Variants in KCNQ5 observed in about 807,000 individuals in gnomAD.
KCNQ5 encodes the protein potassium voltage-gated channel subfamily Q member 5, also known as potassium voltage-gated channel subfamily KQT member 5.
In KCNQ5, 30 loss-of-function variants were observed where a neutral mutation model predicts 98.2. That is an observed-to-expected ratio of 0.31 (90% CI 0.23 to 0.41). The LOEUF (loss-of-function observed/expected upper bound fraction) is 0.41, where lower values mean the gene tolerates loss of function less well. KCNQ5 is among the 10% of genes least tolerant of loss of function. KCNQ5 has a pLI of 1.00. For missense variants in KCNQ5, 835 were observed against 1,182.5 expected (o/e 0.71, Z 4.31); for synonymous variants, 458 against 449.4 (o/e 1.02, Z -0.24).
chr6:72,747,490 C>A (rs1771463071), intron 1 of KCNQ5, among the ~76,000 whole-genome samples: 1 of 152,050 alleles, frequency 6.6e-6, no homozygotes, highest in African/African-American at 2.4e-5. Flanking sequence ...AGTTTTAGTA[C>A]CTTCTGTTTC....
At position 73,133,580 on chromosome 6, in the gene KCNQ5, C is replaced by T; in HGVS notation, c.1407C>T (p.Asp469=). The T allele has an allele frequency of 1.2e-6, 2 of 1,614,218 alleles. No homozygotes were observed. The highest frequency in any genetic ancestry group is 1.7e-6 in the Non-Finnish European group (2 of 1,180,044). ...TGCAGAAGAGCTGGAGCTTCAACGACCGAACCCGCTTCCGGCCCTCGCTGC... is the reference window on the plus strand; with the variant it reads ...TGCAGAAGAGCTGGAGCTTCAACGATCGAACCCGCTTCCGGCCCTCGCTGC... ...TKVQKSWSFN[D]RTRFRPSLRL... is the part of the protein sequence containing the mutation. The change falls in exon 10 of 14, where the codon GAC becomes GAT. Residue 469 remains aspartate (D), a synonymous_variant. Transcript: ENST00000370398.
At chr6:72,900,348 C>A (rs778851848) in intron 1 of KCNQ5, among the ~76,000 whole-genome samples, 1 of 147,054 alleles carries the variant, frequency 6.8e-6, no homozygotes, top group Admixed American at 6.8e-5. Context: ...ATATCTCATC[C>A]TATATATATA....
chr6:72,947,830 A>T (rs1766617254), intron 1 of KCNQ5, among the ~76,000 whole-genome samples: 1 of 152,184 alleles, frequency 6.6e-6, no homozygotes, highest in South Asian at 2.1e-4. Flanking sequence ...AGTTATACAG[A>T]TAAGTGACAT....
intron 10 of KCNQ5, chr6:73,157,543 C>G: frequency 1.3e-6 from 1 of 742,892 alleles, no homozygotes; most frequent in South Asian, 1.4e-5. Flanking sequence ...TACTTCCATC[C>G]TTGCTGGGTG....
chr6:72,826,100 C>G (rs1241537328), intron 1 of KCNQ5, among the ~76,000 whole-genome samples: 1 of 152,060 alleles, frequency 6.6e-6, no homozygotes, highest in Non-Finnish European at 1.5e-5. Flanking sequence ...GCTCTGGAGA[C>G]TGTAATTTGC....
At chr6:72,903,490 A>G (rs1433219832) in intron 1 of KCNQ5, among the ~76,000 whole-genome samples, 2 of 152,142 alleles carry the variant, frequency 1.3e-5, no homozygotes, top group East Asian at 3.9e-4. Context: ...TCCTATTACC[A>G]CTGCCTTTGC....
chr6:73,158,214 G>C (rs6453647), intron 10 of KCNQ5: 167,161 of 230,272 alleles, frequency 0.73, 62,692 homozygotes, highest in East Asian at 0.9. Context: ...CCCCAGCGTT[G>C]TGTGGGCATG....
At chr6:72,759,256 C>G (rs1417508221) in intron 1 of KCNQ5, among the ~76,000 whole-genome samples, 1 of 152,080 alleles carries the variant, frequency 6.6e-6, no homozygotes, top group African/African-American at 2.4e-5. Context: ...GACTCTGATC[C>G]ATAAATTTTT....
intron 1 of KCNQ5, among the ~76,000 whole-genome samples, chr6:72,773,026 G>A (rs1314613372): frequency 1.3e-5 from 2 of 152,092 alleles, no homozygotes; most frequent in African/African-American, 4.8e-5. Context: ...GCTTATCAGT[G>A]TTGCCCCTTG....
chr6:72,922,813 T>TTTCTTTC (rs796455600), intron 1 of KCNQ5, among the ~76,000 whole-genome samples: 4 of 135,934 alleles, frequency 2.9e-5, no homozygotes, highest in Non-Finnish European at 4.8e-5. Context: ...TCTTTTTCTT[T>TTTCTTTC]TTTTTTTTTT....
chr6:72,854,758 T>TTGTGTG (rs34867008), intron 1 of KCNQ5, among the ~76,000 whole-genome samples: 2,148 of 127,082 alleles, frequency 0.017, 37 homozygotes, highest in South Asian at 0.025. Flanking sequence ...ACACCATGGT[T>TTGTGTG]TGTGTGTGTG....
chr6:72,945,143 T>C (rs1188360239), intron 1 of KCNQ5, among the ~76,000 whole-genome samples: 1 of 152,160 alleles, frequency 6.6e-6, no homozygotes, highest in Non-Finnish European at 1.5e-5. Context: ...AATATGATCA[T>C]TCAAGATGCT....
intron 1 of KCNQ5, among the ~76,000 whole-genome samples, chr6:72,935,664 C>T (rs1231400233): frequency 6.6e-6 from 1 of 152,148 alleles, no homozygotes; most frequent in Admixed American, 6.5e-5. Flanking sequence ...CAGCTTATGC[C>T]TATTTCTCTG....
At chr6:72,889,150 T>C (rs1215193814) in intron 1 of KCNQ5, among the ~76,000 whole-genome samples, 2 of 152,184 alleles carry the variant, frequency 1.3e-5, no homozygotes, top group Non-Finnish European at 2.9e-5. Context: ...ATATCTGAAC[T>C]AGGACTTGAA....
chr6:73,074,931 A>G (rs2350370), intron 3 of KCNQ5, among the ~76,000 whole-genome samples: 151,130 of 152,230 alleles, frequency 0.99, 75,028 homozygotes, highest in East Asian at 1. Flanking sequence ...GGAGAAAGCA[A>G]GATTACAATG....
chr6:72,738,954 A>G (rs1439859692), intron 1 of KCNQ5, among the ~76,000 whole-genome samples: 3 of 152,214 alleles, frequency 2.0e-5, no homozygotes, highest in African/African-American at 7.2e-5. Flanking sequence ...AAACTACTCC[A>G]TGTGATACTA....
chr6:72,666,345 T>C (rs1476808268), intron 1 of KCNQ5, among the ~76,000 whole-genome samples: 1 of 152,226 alleles, frequency 6.6e-6, no homozygotes, highest in Admixed American at 6.5e-5. Context: ...AATTTACATA[T>C]TGATTTGTGG....
At chr6:72,772,387 A>T (rs112245225) in intron 1 of KCNQ5, among the ~76,000 whole-genome samples, 3 of 152,286 alleles carry the variant, frequency 2.0e-5, no homozygotes, top group African/African-American at 7.2e-5. Flanking sequence ...AGTTTTAGAG[A>T]GTGGACAGCA....
intron 1 of KCNQ5, among the ~76,000 whole-genome samples, chr6:72,718,182 C>T (rs1769747277): frequency 6.6e-6 from 1 of 152,078 alleles, no homozygotes; most frequent in African/African-American, 2.4e-5. Context: ...ACTGAGGTTC[C>T]CTTGGCAGTC....
Sources: allele counts gnomAD v4.1 joint callset (sites outside exome capture counted in the v4.1 genomes callset), GRCh38; gene constraint gnomAD v4.1.1; transcripts MANE v1.5; gene names NCBI Gene and HGNC (gene_info 2026-07-23, HGNC 2026-07-21).